The following LRRIQ1 variants were observed in gnomAD, a reference collection of about 807,000 sequenced individuals.
The protein encoded by LRRIQ1 is leucine rich repeats and IQ motif containing 1.
In LRRIQ1, 210 loss-of-function variants were observed where a neutral mutation model predicts 211.9. The observed-to-expected ratio is 0.99, with a 90% confidence interval of 0.89 to 1.11. The LOEUF (loss-of-function observed/expected upper bound fraction) is 1.11. Ranked by LOEUF, LRRIQ1 falls within the 50% of genes most tolerant of loss-of-function variation. LRRIQ1 has a pLI of 0.00. For missense variants in LRRIQ1, 2,136 were observed against 1,939.5 expected (o/e 1.10, Z -1.90); for synonymous variants, 699 against 650.1 (o/e 1.08, Z -1.14).
At chr12:85,183,395 T>A (rs1892082321) in intron 24 of LRRIQ1, among the ~76,000 whole-genome samples, 1 of 152,090 alleles carries the variant, frequency 6.6e-6, no homozygotes, top group African/African-American at 2.4e-5. Flanking sequence ...GAAAAAAAAA[T>A]CATTTTAATT....
chr12:85,115,083 C>T (rs1390683819), intron 15 of LRRIQ1, among the ~76,000 whole-genome samples: 1 of 152,158 alleles, frequency 6.6e-6, no homozygotes, highest in Non-Finnish European at 1.5e-5. Context: ...TTCTCTCATT[C>T]ATTCATGATT....
chr12:85,210,029 A>G (rs987852444), intron 24 of LRRIQ1, among the ~76,000 whole-genome samples: 4 of 152,182 alleles, frequency 2.6e-5, no homozygotes, highest in African/African-American at 9.6e-5. Flanking sequence ...GCTATAATAA[A>G]TAATGCAGAA....
chr12:85,122,368 A>G (rs1343035023), intron 16 of LRRIQ1, among the ~76,000 whole-genome samples: 1 of 152,154 alleles, frequency 6.6e-6, no homozygotes, highest in East Asian at 1.9e-4. Flanking sequence ...AGCAGTCAGC[A>G]CTTGCACCCA....
chr12:85,164,835 A>T (rs1891071321), intron 24 of LRRIQ1, among the ~76,000 whole-genome samples: 1 of 152,214 alleles, frequency 6.6e-6, no homozygotes, highest in Non-Finnish European at 1.5e-5. Context: ...GAGAAAAAAG[A>T]TTACCAGGTA....
chr12:85,229,547 C>G lies in LRRIQ1; in HGVS notation c.4853C>G (p.Thr1618Ser). 6.2e-7 allele frequency: 1 copy of G among 1,611,946 alleles called. No homozygotes were observed. Among genetic ancestry groups the G allele is most frequent in the Non-Finnish European group, 8.5e-7 (1 of 1,178,770 alleles). ...GIEEDPIHKD[T>S]TANEKLERNR... ...GAAGAAGACCCTATCCACAAAGATA[C>G]CACTGCAAATGAAAAATTAGAACGG... Residue 1618 changes from threonine (T) to serine (S), a missense_variant, in exon 25 of 27, where the codon ACC becomes AGC. Transcript: ENST00000393217.
rs113892469 is a variant in LRRIQ1 at position 85,207,245 on chromosome 12, C to T, written c.4823-22272C>T. On this transcript the variant is annotated intron_variant, in intron 24 of 26. Transcript: ENST00000393217. ...AACCACTTCAGCCCAGCATCTGTGT[C>T]CTCCCTCCGTCCACTCTCAATGCCT... Among the ~76,000 whole-genome samples, 1,180 of 152,150 alleles carry T rather than the reference C, an allele frequency of 7.8e-3. 15 individuals carry two copies. Among genetic ancestry groups the T allele is most frequent in the African/African-American group, 0.027 (1,108 of 41,516 alleles).
chr12:85,237,705 ACTC>A (rs1895257519), intron 26 of LRRIQ1, among the ~76,000 whole-genome samples: 1 of 151,742 alleles, frequency 6.6e-6, no homozygotes, highest in African/African-American at 2.4e-5. Flanking sequence ...GGATTAAAAA[ACTC>A]CTCTAGATCC....
chr12:85,178,596 T>G (rs546913764), intron 24 of LRRIQ1, among the ~76,000 whole-genome samples: 2 of 152,122 alleles, frequency 1.3e-5, no homozygotes, highest in Admixed American at 6.6e-5. Context: ...CTATCCTCAT[T>G]CTACTTATCT....
intron 8 of LRRIQ1, among the ~76,000 whole-genome samples, chr12:85,064,470 T>C (rs1882208107): frequency 6.6e-6 from 1 of 151,866 alleles, no homozygotes; most frequent in South Asian, 2.1e-4. Context: ...TTCTGTGGAC[T>C]GTCTCTCCAC....
chr12:85,119,691 G>C (rs1455246206), intron 15 of LRRIQ1, among the ~76,000 whole-genome samples: 2 of 151,942 alleles, frequency 1.3e-5, no homozygotes, highest in African/African-American at 2.4e-5. Context: ...AGTATTTCTG[G>C]GTTTTGGTTA....
intron 17 of LRRIQ1, among the ~76,000 whole-genome samples, chr12:85,126,204 C>T (rs1365091687): frequency 6.6e-6 from 1 of 151,894 alleles, no homozygotes; most frequent in East Asian, 1.9e-4. Flanking sequence ...AAGAAAATAC[C>T]CCTCATCTAC....
chr12:85,131,177 C>T (rs955056521), intron 18 of LRRIQ1, among the ~76,000 whole-genome samples: 1 of 151,160 alleles, frequency 6.6e-6, no homozygotes, highest in African/African-American at 2.4e-5. Flanking sequence ...CACACCACTG[C>T]ACTCCAGCCT....
At chr12:85,085,168 A>T (rs145834725) in intron 11 of LRRIQ1, among the ~76,000 whole-genome samples, 40 of 152,178 alleles carry the variant, frequency 2.6e-4, no homozygotes, top group African/African-American at 8.9e-4. Context: ...CTGTTTTCAC[A>T]GTGTGATAAA....
At position 85,055,724 on chromosome 12, in the gene LRRIQ1, A is replaced by C; in HGVS notation, c.931A>C (p.Ile311Leu). 6.2e-7 allele frequency: 1 copy of C among 1,607,742 alleles called. No individual in the cohort carries two copies. Among genetic ancestry groups the C allele is most frequent in the South Asian group, 1.1e-5 (1 of 89,244 alleles). ...ATATGGCCCAATTATTAAAGAGCAA[A>C]TTGAAAGTAAGAAAAGGAAAGCACA... ...QKYGPIIKEQ[I>L]ESKKRKAQEW... Residue 311 changes from isoleucine (I) to leucine (L), a missense_variant, in exon 8 of 27, where the codon ATT becomes CTT. By Grantham distance (5) the Ile-to-Leu change is conservative. Transcript: ENST00000393217.
intron 24 of LRRIQ1, among the ~76,000 whole-genome samples, chr12:85,193,829 C>T (rs1211745953): frequency 2.0e-5 from 3 of 147,000 alleles, no homozygotes; most frequent in South Asian, 2.2e-4. Context: ...ACAATATTAA[C>T]TTTAAATGTA....
chr12:85,271,238 T>C, the LRRIQ1 span, among the ~76,000 whole-genome samples: 2 of 152,180 alleles, frequency 1.3e-5, no homozygotes, highest in Non-Finnish European at 2.9e-5. Context: ...CATGACAGGT[T>C]TAACCCTGTA....
In LRRIQ1 at chr12:85,124,429, G is replaced by A; in HGVS notation, c.3917G>A (p.Ser1306Asn). Residue 1306 changes from serine (S) to asparagine (N), a missense_variant, in exon 17 of 27, where the codon AGT becomes AAT. Transcript: ENST00000393217. Reference protein sequence around the residue: ...CQKREDSKASSIPTIRIPFKE... With the variant: ...CQKREDSKASNIPTIRIPFKE... ...AAGAGAGAAGACAGCAAGGCAAGCA[G>A]TATTCCCACCATAAGAATCCCATTT... 6.2e-7 allele frequency: 1 copy of A among 1,614,008 alleles called. No individual in the cohort carries two copies. Among genetic ancestry groups the A allele is most frequent in the South Asian group, 1.1e-5 (1 of 91,088 alleles).
intron 1 of LRRIQ1, among the ~76,000 whole-genome samples, chr12:85,250,603 G>A (rs1895878550): frequency 6.7e-6 from 1 of 149,068 alleles, no homozygotes; most frequent in South Asian, 2.1e-4. Context: ...AGCTAGGTGT[G>A]GTTCTGTGCA....
At chr12:85,242,601 ATCT>A (rs1295145799) in intron 26 of LRRIQ1, among the ~76,000 whole-genome samples, 1 of 151,932 alleles carries the variant, frequency 6.6e-6, no homozygotes, top group African/African-American at 2.4e-5. Context: ...GAAAATCTGT[ATCT>A]TCTTTACCAT....
Sources: gnomAD v4.1 joint callset for allele counts (sites outside exome capture counted in the v4.1 genomes callset) on GRCh38, gnomAD v4.1.1 for gene constraint, MANE v1.5 for transcripts, NCBI Gene and HGNC (gene_info 2026-07-23, HGNC 2026-07-21) for gene names.